The following SOX5 variants were observed in gnomAD, a reference collection of about 807,000 sequenced individuals.
SOX5 encodes the protein SRY-box transcription factor 5.
A neutral mutation model predicts 92.0 loss-of-function variants in SOX5; 9 were observed. The observed-to-expected ratio is 0.10, with a 90% CI of 0.06 to 0.17. The LOEUF (loss-of-function observed/expected upper bound fraction) is 0.17, where lower values mean the gene tolerates loss of function less well. SOX5 is among the 10% of genes least tolerant of loss of function. SOX5 has a pLI of 1.00. For synonymous variants in SOX5, 344 were observed against 336.3 expected (o/e 1.02, Z -0.25); for missense variants, 642 against 944.5 (o/e 0.68, Z 4.20).
At chr12:23,650,334 T>C (rs1350331871) in intron 7 of SOX5, among the ~76,000 whole-genome samples, 1 of 152,124 alleles carries the variant, frequency 6.6e-6, no homozygotes, top group African/African-American at 2.4e-5. Context: ...TTTTACCACC[T>C]CCTTCCCATG....
intron 4 of SOX5, among the ~76,000 whole-genome samples, chr12:24,194,864 CTT>C (rs1394786609): frequency 6.6e-6 from 1 of 152,096 alleles, no homozygotes; most frequent in Non-Finnish European, 1.5e-5. Flanking sequence ...AATTTACAAC[CTT>C]ATGCTCAACC....
chr12:23,787,129 C>T lies in SOX5; in HGVS notation c.482-31405G>A, dbSNP rs1278899307. Among the ~76,000 whole-genome samples, 5 of 110,410 alleles carry T rather than the reference C, an allele frequency of 4.5e-5. 1 individual carries two copies. The East Asian group carries it at 1.2e-3, about 26-fold the overall frequency. The allele number at this position is 110,410 out of a possible 152,430, so 72.4% of individuals were successfully genotyped here. On this transcript the variant is annotated intron_variant, in intron 3 of 14. Transcript: ENST00000451604. The stretch of plus-strand genomic sequence containing the variant: ...AGGAGTAGAGTATGCATTAGAACCA[C>T]ATAATTTCTATACATCTTCAAATTG...
At chr12:23,587,569 A>G (rs1212742490) in intron 9 of SOX5, among the ~76,000 whole-genome samples, 1 of 152,152 alleles carries the variant, frequency 6.6e-6, no homozygotes, top group African/African-American at 2.4e-5. Context: ...GTAATGTTCA[A>G]TTTGAGTAAT....
intron 2 of SOX5, among the ~76,000 whole-genome samples, chr12:24,312,464 C>G (rs1949276136): frequency 6.6e-6 from 1 of 152,116 alleles, no homozygotes; most frequent in South Asian, 2.1e-4. Context: ...CTACTTTATA[C>G]CATTTATTTA....
intron 6 of SOX5, among the ~76,000 whole-genome samples, chr12:23,689,943 T>G (rs908992189): frequency 3.3e-5 from 5 of 152,184 alleles, no homozygotes; most frequent in African/African-American, 1.2e-4. Flanking sequence ...TACATCCAAT[T>G]TCTTGTTGAT....
chr12:24,516,621 C>T (rs983171976), intron 1 of SOX5, among the ~76,000 whole-genome samples: 3 of 152,144 alleles, frequency 2.0e-5, no homozygotes, highest in Non-Finnish European at 4.4e-5. Context: ...TATCAAAGAG[C>T]TCCTGATATA....
At chr12:24,342,131 T>A (rs897961601) in intron 2 of SOX5, among the ~76,000 whole-genome samples, 1 of 152,180 alleles carries the variant, frequency 6.6e-6, no homozygotes, top group Admixed American at 6.5e-5. Flanking sequence ...CAACAACTTG[T>A]AGGAAATCTC....
rs34760496 is a variant in SOX5 at position 23,789,233 on chromosome 12, TAA to T, written c.482-33511_482-33510del. On this transcript the variant is annotated intron_variant, in intron 3 of 14. Transcript: ENST00000451604. ...TTTAATTCTGATCCTTTCTTTGAAA[TAA>T]AAAAAAAAAACATTAAATTATGTTA... is the stretch of plus-strand genomic sequence containing the variant. Among the ~76,000 whole-genome samples, 240 of 148,418 alleles carry T rather than the reference TAA, an allele frequency of 1.6e-3. 1 individual carries two copies. The highest frequency in any genetic ancestry group is 0.015 in the East Asian group (79 of 5,102).
At chr12:24,143,518 A>T (rs1336292552) in intron 4 of SOX5, among the ~76,000 whole-genome samples, 1 of 152,190 alleles carries the variant, frequency 6.6e-6, no homozygotes, top group Non-Finnish European at 1.5e-5. Context: ...ACCCAAATCT[A>T]ACTTCTAGAT....
chr12:23,625,896 C>T (rs557586878), intron 8 of SOX5, among the ~76,000 whole-genome samples: 2 of 152,252 alleles, frequency 1.3e-5, no homozygotes, highest in South Asian at 2.1e-4. Flanking sequence ...CATGAGCCAC[C>T]GCGCCCGGCC....
intron 1 of SOX5, among the ~76,000 whole-genome samples, chr12:24,429,298 C>G (rs989634101): frequency 1.1e-4 from 17 of 151,228 alleles, no homozygotes; most frequent in African/African-American, 3.9e-4. Context: ...GCCTGGGGGA[C>G]AGAGCAAGAC....
At position 23,855,984 on chromosome 12, in the gene SOX5, GC is replaced by G. The variant is rs575424534; in HGVS notation, c.271-9792del. ...GCAAAAGAAGCTTTTTGTGAAAGAA[GC>G]CTTTAACATGAACTGACATTAGGCA... On this transcript the variant is annotated intron_variant, in intron 2 of 14. Coordinates refer to ENST00000451604, the MANE Select transcript of SOX5 (RefSeq NM_006940.6). 1.3e-3 allele frequency among the ~76,000 whole-genome samples: 191 copies of G among 152,214 alleles called. 1 individual carries two copies. The highest frequency in any genetic ancestry group is 4.4e-3 in the African/African-American group (184 of 41,562).
At chr12:24,470,179 C>T (rs1310862353) in intron 1 of SOX5, among the ~76,000 whole-genome samples, 1 of 152,154 alleles carries the variant, frequency 6.6e-6, no homozygotes, top group Non-Finnish European at 1.5e-5. Flanking sequence ...TATTACTTTC[C>T]TACTAATTCT....
At chr12:24,047,267 T>C (rs1171147126) in intron 4 of SOX5, among the ~76,000 whole-genome samples, 3 of 152,218 alleles carry the variant, frequency 2.0e-5, no homozygotes, top group Non-Finnish European at 4.4e-5. Context: ...GAAATATATT[T>C]TCCTGTTCTT....
At chr12:24,455,685 G>A (rs1284084072) in intron 1 of SOX5, among the ~76,000 whole-genome samples, 2 of 152,160 alleles carry the variant, frequency 1.3e-5, no homozygotes, top group African/African-American at 2.4e-5. Flanking sequence ...ACTGATAGTC[G>A]GCTGAGTATG....
chr12:24,504,088 T>G (rs1948493291), intron 1 of SOX5, among the ~76,000 whole-genome samples: 1 of 152,186 alleles, frequency 6.6e-6, no homozygotes, highest in East Asian at 1.9e-4. Context: ...TAGGCCTATT[T>G]CCCTGTAGCT....
intron 3 of SOX5, among the ~76,000 whole-genome samples, chr12:24,220,691 T>C (rs1960197175): frequency 6.6e-6 from 1 of 152,154 alleles, no homozygotes; most frequent in Middle Eastern, 3.2e-3. Context: ...CAATTGGAAG[T>C]ATCTAATTGC....
chr12:23,569,203 A>G (rs139593062), intron 10 of SOX5, among the ~76,000 whole-genome samples: 1 of 152,300 alleles, frequency 6.6e-6, no homozygotes, highest in African/African-American at 2.4e-5. Flanking sequence ...AGACAAAAAT[A>G]AAAATATCTA....
intron 13 of SOX5, among the ~76,000 whole-genome samples, chr12:23,536,969 T>C (rs1003775132): frequency 6.6e-6 from 1 of 152,140 alleles, no homozygotes; most frequent in Admixed American, 6.5e-5. Flanking sequence ...CTACATTAGA[T>C]CATGATATAA....
Sources: allele counts gnomAD v4.1 joint callset (sites outside exome capture counted in the v4.1 genomes callset), GRCh38; gene constraint gnomAD v4.1.1; transcripts MANE v1.5; gene names NCBI Gene and HGNC (gene_info 2026-07-23, HGNC 2026-07-21).